Variants in RBFOX3 observed in about 807,000 individuals in gnomAD.
The protein encoded by RBFOX3 is RNA binding protein fox-1 homolog 3.
In RBFOX3, 17 loss-of-function variants were observed where a neutral mutation model predicts 48.7. The observed-to-expected ratio is 0.35, with a 90% CI of 0.24 to 0.52. The LOEUF (loss-of-function observed/expected upper bound fraction) is 0.52, where lower values mean the gene tolerates loss of function less well. Among genes scored for constraint, RBFOX3 ranks in the 20% least tolerant of loss-of-function variants. The pLI is 0.94. For synonymous variants in RBFOX3, 212 were observed against 209.5 expected (o/e 1.01, Z -0.10); for missense variants, 382 against 497.5 (o/e 0.77, Z 2.21).
chr17:79,589,393 C>T (rs1284939378), intron 1 of RBFOX3, among the ~76,000 whole-genome samples: 2 of 152,250 alleles, frequency 1.3e-5, no homozygotes, highest in East Asian at 1.9e-4. Flanking sequence ...TCCACATCAC[C>T]GTCCCCTGTT....
chr17:79,658,983 G>T, the RBFOX3 span, among the ~76,000 whole-genome samples: 58 of 152,262 alleles, frequency 3.8e-4, no homozygotes, highest in South Asian at 8.3e-4. Context: ...TTTGTTTCTT[G>T]TTTATATCAC....
intron 4 of RBFOX3, among the ~76,000 whole-genome samples, chr17:79,122,150 AACAGTCCAGTAGCAAACCCCACTG>A (rs2035922725): frequency 6.6e-6 from 1 of 151,954 alleles, no homozygotes; most frequent in Non-Finnish European, 1.5e-5. Context: ...AAACCCCACA[AACAGTCCAGTAGCAAACCCCACTG>A]GCTCCGCCTC....
the RBFOX3 span, among the ~76,000 whole-genome samples, chr17:79,620,664 C>CACACACACGG: frequency 1.3e-4 from 18 of 142,148 alleles, no homozygotes; most frequent in Admixed American, 8.0e-4. Context: ...TGCACACACG[C>CACACACACGG]ACATGCACAC....
At chr17:79,382,986 G>A (rs2060108832) in intron 2 of RBFOX3, among the ~76,000 whole-genome samples, 1 of 149,282 alleles carries the variant, frequency 6.7e-6, no homozygotes, top group Admixed American at 6.7e-5. Context: ...ACATTTTCTG[G>A]GGCTGTGTGG....
At position 79,090,486 on chromosome 17, in the gene RBFOX3, G is replaced by A. The variant is rs953804727; in HGVS notation, c.*397C>T. ...TCAGGCCCGGGCCTGCTCCGCCGCC[G>A]CTGGGCTCCACACTGTCTGTCTTGG... On this transcript the variant is annotated 3_prime_UTR_variant, in exon 15 of 15. Transcript: ENST00000693108. The A allele has an allele frequency of 9.9e-6, 2 of 202,730 alleles. No individual in the cohort carries two copies. The highest frequency in any genetic ancestry group is 1.2e-4 in the East Asian group (1 of 8,632). 12.6% of individuals were successfully genotyped at this position (202,730 alleles called of 1,614,324 possible).
chr17:79,491,033 A>G (rs1208441231), intron 1 of RBFOX3, among the ~76,000 whole-genome samples: 128 of 93,290 alleles, frequency 1.4e-3, no homozygotes, highest in African/African-American at 5.6e-3. Flanking sequence ...ATCGGAGAGG[A>G]GAGGGGAGGG....
At chr17:79,124,698 G>A (rs543822866) in intron 4 of RBFOX3, among the ~76,000 whole-genome samples, 1 of 152,348 alleles carries the variant, frequency 6.6e-6, no homozygotes, top group Non-Finnish European at 1.5e-5. Flanking sequence ...GCAGGGCCAG[G>A]GCTCTGGGAG....
At chr17:79,643,009 G>T in the RBFOX3 span, among the ~76,000 whole-genome samples, 1 of 152,134 alleles carries the variant, frequency 6.6e-6, no homozygotes, top group Middle Eastern at 3.2e-3. Context: ...GGCTGAGCTG[G>T]GAGGATCGCT....
Position 79,198,448 on chromosome 17 carries a change from A to G in RBFOX3, c.-34+37318T>C, listed in dbSNP as rs1356840060. ...GTGTCCCGCCTGCCAGCTCATGGAG[A>G]AAGTTCACAAATGTCACCTCAGTAT... On this transcript the variant is annotated intron_variant, in intron 4 of 14. Coordinates refer to ENST00000693108, the MANE Select transcript of RBFOX3 (RefSeq NM_001350451.2). This position sits in a 1 kb window ranked among gnomAD's most constrained non-coding sequence, Gnocchi z 8.2. 6.6e-6 allele frequency among the ~76,000 whole-genome samples: 1 copy of G among 152,182 alleles called. No homozygotes were observed. Among genetic ancestry groups the G allele is most frequent in the African/African-American group, 2.4e-5 (1 of 41,444 alleles).
intron 1 of RBFOX3, among the ~76,000 whole-genome samples, chr17:79,499,277 C>T (rs2082065798): frequency 6.6e-6 from 1 of 152,112 alleles, no homozygotes; most frequent in Non-Finnish European, 1.5e-5. Context: ...ACCACCCACC[C>T]ATCTACCATC....
chr17:79,644,698 G>A, the RBFOX3 span, among the ~76,000 whole-genome samples: 5 of 152,168 alleles, frequency 3.3e-5, no homozygotes, highest in South Asian at 2.1e-4. Context: ...CGAAGTGTAC[G>A]TTGGAAATTA....
chr17:79,112,928 A>C (rs1475704076), intron 5 of RBFOX3, among the ~76,000 whole-genome samples: 3 of 100,320 alleles, frequency 3.0e-5, no homozygotes, highest in Admixed American at 9.4e-5. Context: ...GCTGGGTAGG[A>C]CTTCAGGGAT....
chr17:79,565,027 G>A (rs1011991646), intron 1 of RBFOX3, among the ~76,000 whole-genome samples: 26 of 121,824 alleles, frequency 2.1e-4, no homozygotes, highest in Middle Eastern at 5.9e-3. Flanking sequence ...GCAACAGAGC[G>A]AGACTCTGTC....
At chr17:79,552,476 A>G (rs1334991871) in intron 1 of RBFOX3, among the ~76,000 whole-genome samples, 2 of 152,128 alleles carry the variant, frequency 1.3e-5, no homozygotes, top group Non-Finnish European at 2.9e-5. Flanking sequence ...CTAAGTTACA[A>G]CACAATTTTC....
intron 2 of RBFOX3, among the ~76,000 whole-genome samples, chr17:79,352,323 C>T (rs1306070226): frequency 6.6e-6 from 1 of 152,196 alleles, no homozygotes; most frequent in Non-Finnish European, 1.5e-5. Flanking sequence ...CCTCTTTGAT[C>T]TCTCTCCTGC....
intron 2 of RBFOX3, among the ~76,000 whole-genome samples, chr17:79,355,598 C>T (rs897157644): frequency 6.6e-5 from 10 of 151,034 alleles, no homozygotes; most frequent in African/African-American, 1.5e-4. Context: ...TTTTTTTTTC[C>T]GAAACGGAGT....
At chr17:79,147,563 G>GT (rs1568226264) in intron 4 of RBFOX3, among the ~76,000 whole-genome samples, 1 of 151,786 alleles carries the variant, frequency 6.6e-6, no homozygotes, top group African/African-American at 2.4e-5. Context: ...GGAGGGGGGG[G>GT]GCTCACCTTC....
At chr17:79,487,388 T>C (rs1360746501) in intron 1 of RBFOX3, among the ~76,000 whole-genome samples, 2 of 152,132 alleles carry the variant, frequency 1.3e-5, no homozygotes, top group Non-Finnish European at 2.9e-5. Context: ...ACAAAGATGC[T>C]GCAGAGGCCG....
At chr17:79,241,161 GTCTA>G (rs1339325280) in intron 3 of RBFOX3, among the ~76,000 whole-genome samples, 3 of 149,296 alleles carry the variant, frequency 2.0e-5, no homozygotes, top group African/African-American at 5.0e-5. Flanking sequence ...CTATCTATCT[GTCTA>G]TCTATTTAAT....
Sources: allele counts gnomAD v4.1 joint callset (sites outside exome capture counted in the v4.1 genomes callset), GRCh38; gene constraint gnomAD v4.1.1; non-coding constraint Gnocchi (gnomAD v3.1); transcripts MANE v1.5; gene names NCBI Gene and HGNC (gene_info 2026-07-23, HGNC 2026-07-21).